The following RASA2 variants were observed in gnomAD, a reference collection of about 807,000 sequenced individuals.
RASA2 encodes the protein RAS p21 protein activator 2.
RASA2 carries 155 observed loss-of-function variants against 118.2 expected under a neutral mutation model. That is an observed-to-expected ratio of 1.31 (90% CI 1.15 to 1.50). The LOEUF (loss-of-function observed/expected upper bound fraction) is 1.50, where lower values mean the gene tolerates loss of function less well. Among genes scored for constraint, RASA2 ranks in the 40% most tolerant of loss-of-function variants. RASA2 has a pLI of 0.00. For missense variants in RASA2, 1,016 were observed against 1,009.6 expected (o/e 1.01, Z -0.09); for synonymous variants, 353 against 349.1 (o/e 1.01, Z -0.12).
chr3:141,559,838 G>A, intron 8 of RASA2, 56 bp from the exon 9 acceptor site: 1 of 1,394,700 alleles, frequency 7.2e-7, no homozygotes. Context: ...CTGTTTTGTG[G>A]TGTGAACTCT....
chr3:141,528,751 A>G (rs1235429198), intron 3 of RASA2, among the ~76,000 whole-genome samples: 2 of 152,024 alleles, frequency 1.3e-5, no homozygotes, highest in East Asian at 3.9e-4. Flanking sequence ...CTTGACAGAA[A>G]AATTTCTTTA....
chr3:141,521,483 G>C (rs761598656), intron 3 of RASA2, among the ~76,000 whole-genome samples: 2 of 152,062 alleles, frequency 1.3e-5, no homozygotes. Context: ...AGTAATTTTC[G>C]TCTCTTTACA....
chr3:141,571,256 A>G (rs1007281307), intron 10 of RASA2, 150 bp from the exon 11 acceptor site: 9 of 1,252,778 alleles, frequency 7.2e-6, no homozygotes, highest in African/African-American at 6.1e-5. Context: ...ATGTGCTCCC[A>G]CAATCATCTC....
In RASA2 at chr3:141,580,992, T is replaced by C. The variant is rs139609644; in HGVS notation, c.1675-108T>C. ...CTCCAAGCCCTGAACTCTCTGAAAA[T>C]ATATAATTGAGTCCTTTTAGGCCTT... is the stretch of plus-strand genomic sequence containing the variant. On this transcript the variant is annotated intron_variant, in intron 16 of 23. Coordinates refer to ENST00000286364, the MANE Select transcript of RASA2 (RefSeq NM_006506.5). 80 of 1,180,380 alleles carry C rather than the reference T, an allele frequency of 6.8e-5. No individual in the cohort carries two copies. In the African/African-American group the frequency reaches 1.1e-3, roughly 16 times the overall value. 73.1% of individuals were successfully genotyped at this position (1,180,380 alleles called of 1,614,324 possible).
intron 3 of RASA2, among the ~76,000 whole-genome samples, chr3:141,526,622 C>G (rs1219735737): frequency 1.3e-5 from 2 of 152,258 alleles, no homozygotes; most frequent in South Asian, 2.1e-4. Flanking sequence ...TCTTATATAT[C>G]ATTTTCTCTA....
chr3:141,550,110 C>T (rs965505900), intron 5 of RASA2, among the ~76,000 whole-genome samples: 1 of 152,088 alleles, frequency 6.6e-6, no homozygotes, highest in African/African-American at 2.4e-5. Context: ...CATTGGCAAA[C>T]ATCACAATAA....
chr3:141,584,204 G>A (rs1022980740), intron 17 of RASA2, among the ~76,000 whole-genome samples: 8 of 151,624 alleles, frequency 5.3e-5, no homozygotes, highest in South Asian at 2.1e-4. Flanking sequence ...GGTGGCAGGC[G>A]CCGGTAGTCC....
intron 14 of RASA2, among the ~76,000 whole-genome samples, chr3:141,575,815 A>T (rs1222431367): frequency 6.6e-6 from 1 of 152,100 alleles, no homozygotes; most frequent in East Asian, 1.9e-4. Flanking sequence ...TGTTTTTGAG[A>T]CTGAGTTTCA....
At chr3:141,490,786 T>C (rs1228625179) in intron 1 of RASA2, among the ~76,000 whole-genome samples, 4 of 152,216 alleles carry the variant, frequency 2.6e-5, no homozygotes, top group Non-Finnish European at 5.9e-5. Flanking sequence ...CTTCACCTAA[T>C]TTCCAACTTT....
At chr3:141,490,752 A>G (rs79147413) in intron 1 of RASA2, among the ~76,000 whole-genome samples, 24,351 of 152,180 alleles carry the variant, frequency 0.16, 3,040 homozygotes, top group African/African-American at 0.32. Context: ...GCTGGGTGAA[A>G]AAGTTAGTTA....
intron 6 of RASA2, among the ~76,000 whole-genome samples, chr3:141,555,380 A>C (rs2082633903): frequency 6.6e-6 from 1 of 152,026 alleles, no homozygotes; most frequent in Non-Finnish European, 1.5e-5. Flanking sequence ...GTTTTTTGTG[A>C]CCTCCTCTGA....
At chr3:141,492,111 G>A (rs1452648538) in intron 1 of RASA2, among the ~76,000 whole-genome samples, 3 of 152,184 alleles carry the variant, frequency 2.0e-5, no homozygotes, top group African/African-American at 7.2e-5. Flanking sequence ...CTAATCATTT[G>A]CTCTGTGGAA....
rs980773623 is a variant in RASA2 at position 141,573,836 on chromosome 3, G to C, written c.1360-108G>C. ...GGTAACAGTACTTTAAAAAATGTTA[G>C]ATAGTGACTGTCTAATAAACCTCAT... On this transcript the variant is annotated intron_variant, in intron 13 of 23. Coordinates refer to ENST00000286364, the MANE Select transcript of RASA2 (RefSeq NM_006506.5). 3.2e-5 allele frequency: 30 copies of C among 938,950 alleles called. No individual in the cohort carries two copies. The African/African-American group carries it at 3.2e-4, about 10-fold the overall frequency. 58.2% of individuals were successfully genotyped at this position (938,950 alleles called of 1,614,324 possible).
chr3:141,568,137 T>G (rs1310391239), intron 9 of RASA2, among the ~76,000 whole-genome samples: 1 of 152,216 alleles, frequency 6.6e-6, no homozygotes, highest in Non-Finnish European at 1.5e-5. Context: ...TATTTTTCAT[T>G]ATATTCATAA....
At chr3:141,513,573 CT>C (rs1184184033) in intron 2 of RASA2, among the ~76,000 whole-genome samples, 1 of 152,058 alleles carries the variant, frequency 6.6e-6, no homozygotes, top group Non-Finnish European at 1.5e-5. Context: ...ACTAATAGTT[CT>C]TTTTGCATTG....
intron 4 of RASA2, among the ~76,000 whole-genome samples, chr3:141,533,259 C>A (rs141319047): frequency 2.4e-3 from 368 of 152,256 alleles, no homozygotes; most frequent in African/African-American, 6.8e-3. Context: ...GAGGAAAATT[C>A]ACTGTAAGGC....
intron 19 of RASA2, among the ~76,000 whole-genome samples, chr3:141,595,771 G>A (rs941612265): frequency 1.9e-4 from 29 of 152,152 alleles, no homozygotes; most frequent in Non-Finnish European, 7.4e-5. Flanking sequence ...TGGGACCACA[G>A]GTGGACGCCA....
intron 4 of RASA2, among the ~76,000 whole-genome samples, chr3:141,538,530 C>G (rs766616195): frequency 1.3e-5 from 2 of 151,908 alleles, no homozygotes; most frequent in Non-Finnish European, 2.9e-5. Context: ...AGTATGTACC[C>G]TATTTTGTGA....
At chr3:141,574,335 G>A (rs963422594) in intron 14 of RASA2, among the ~76,000 whole-genome samples, 27 of 151,590 alleles carry the variant, frequency 1.8e-4, no homozygotes, top group African/African-American at 5.8e-4. Context: ...GACTACAGGC[G>A]CCCGCCACCA....
Sources: allele counts gnomAD v4.1 joint callset (sites outside exome capture counted in the v4.1 genomes callset), GRCh38; gene constraint gnomAD v4.1.1; transcripts MANE v1.5; gene names NCBI Gene and HGNC (gene_info 2026-07-23, HGNC 2026-07-21).